PPP2R1B: variants seen among roughly 807,000 people sequenced by gnomAD.
The protein encoded by PPP2R1B is protein phosphatase 2 scaffold subunit Abeta.
PPP2R1B carries 58 observed loss-of-function variants against 72.7 expected under a neutral mutation model. The observed-to-expected ratio is 0.80, with a 90% confidence interval of 0.65 to 0.99. PPP2R1B has a LOEUF of 0.99. Among genes scored for constraint, PPP2R1B ranks in the 50% least tolerant of loss-of-function variants. The pLI is 0.00. For missense variants in PPP2R1B, 695 were observed against 733.6 expected (o/e 0.95, Z 0.61); for synonymous variants, 256 against 264.6 (o/e 0.97, Z 0.32).
the PPP2R1B span, among the ~76,000 whole-genome samples, chr11:111,706,852 T>G: frequency 6.7e-6 from 1 of 148,798 alleles, no homozygotes; most frequent in South Asian, 2.1e-4. Context: ...CCCAGCTACT[T>G]GGGAGGCTGA....
intron 3 of PPP2R1B, among the ~76,000 whole-genome samples, chr11:111,762,691 C>G (rs1209881046): frequency 6.6e-6 from 1 of 151,858 alleles, no homozygotes; most frequent in Non-Finnish European, 1.5e-5. Flanking sequence ...GACTCAGACA[C>G]ATGACATCAT....
At chr11:111,718,389 AG>A in the PPP2R1B span, among the ~76,000 whole-genome samples, 1 of 152,230 alleles carries the variant, frequency 6.6e-6, no homozygotes, top group Non-Finnish European at 1.5e-5. Flanking sequence ...GTTGCTGGCC[AG>A]GTTTCAGAGT....
At chr11:111,730,026 A>G (rs1944132525) in intron 15 of PPP2R1B, 1 of 152,308 alleles carries the variant, frequency 6.6e-6, no homozygotes, top group South Asian at 2.1e-4. Flanking sequence ...AGGAACGGTC[A>G]TGAACTCAGC....
At position 111,741,490 on chromosome 11, in the gene PPP2R1B, G is replaced by C; in HGVS notation, c.*106C>G. 1 of 1,528,594 alleles carries C rather than the reference G, an allele frequency of 6.5e-7. No homozygotes were observed. The highest frequency in any genetic ancestry group is 8.7e-7 in the Non-Finnish European group (1 of 1,143,276). 94.7% of individuals were successfully genotyped at this position (1,528,594 alleles called of 1,614,324 possible). A position where few individuals can be genotyped will look rare whatever the true frequency, so the allele number is the denominator to read the frequency against. On this transcript the variant is annotated 3_prime_UTR_variant, in exon 15 of 15. Coordinates refer to ENST00000527614, the MANE Select transcript of PPP2R1B (RefSeq NM_002716.5). ...CTTCTAAGTTGTTGCCATTTGCTTG[G>C]ATGAGATCTTGAAGGTTTTCCATTC...
chr11:111,713,764 C>T, the PPP2R1B span, among the ~76,000 whole-genome samples: 3 of 152,144 alleles, frequency 2.0e-5, no homozygotes, highest in African/African-American at 7.2e-5. Context: ...GTCAGGAGTT[C>T]AAGACCAGCG....
chr11:111,742,488 C>T (rs767645817), intron 13 of PPP2R1B, 35 bp downstream of exon 13: 1 of 1,588,350 alleles, frequency 6.3e-7, no homozygotes, highest in East Asian at 2.3e-5. Flanking sequence ...ATTTAAAGTA[C>T]ACTTTTAAAA....
chr11:111,692,216 C>G, the PPP2R1B span, among the ~76,000 whole-genome samples: 1 of 151,440 alleles, frequency 6.6e-6, no homozygotes, highest in Non-Finnish European at 1.5e-5. Flanking sequence ...CCAGGAATGG[C>G]AGCATGCGCC....
At chr11:111,719,793 G>A in the PPP2R1B span, 1 of 1,613,742 alleles carries the variant, frequency 6.2e-7, no homozygotes, top group Non-Finnish European at 8.5e-7. Context: ...CTGTCTGCTT[G>A]ACCCTGTGCC....
intron 5 of PPP2R1B, among the ~76,000 whole-genome samples, chr11:111,756,079 G>C (rs957269924): frequency 3.3e-5 from 5 of 151,612 alleles, no homozygotes; most frequent in African/African-American, 1.2e-4. Flanking sequence ...GCGTGGTGGC[G>C]GGTGCCTGTA....
At chr11:111,689,909 TC>T in the PPP2R1B span, among the ~76,000 whole-genome samples, 1 of 152,092 alleles carries the variant, frequency 6.6e-6, no homozygotes, top group Admixed American at 6.5e-5. Flanking sequence ...ATTTTTTTTT[TC>T]TAATGGGATT....
chr11:111,766,264 C>A lies in PPP2R1B; in HGVS notation c.98G>T (p.Arg33Leu), dbSNP rs1945536218. Reference sequence around the variant, plus strand: ...GTCCAGTACCTGCACGTCTTCATTGCGGAGCTCGTCGATTAAAACCGCGAT... The same window carrying A: ...GTCCAGTACCTGCACGTCTTCATTGAGGAGCTCGTCGATTAAAACCGCGAT... ...YPIAVLIDEL[R>L]NEDVQLRLNS... Residue 33 changes from arginine (R) to leucine (L), a missense_variant, in exon 1 of 15, where the codon CGC (arginine) becomes CTC (leucine). Transcript: ENST00000527614. The A allele has an allele frequency of 1.9e-6, 3 of 1,613,952 alleles. No homozygotes were observed. The highest frequency in any genetic ancestry group is 2.5e-6 in the Non-Finnish European group (3 of 1,179,894).
At chr11:111,734,131 T>C (rs1187727224), downstream of PPP2R1B, among the ~76,000 whole-genome samples, 1 of 152,186 alleles carries the variant, frequency 6.6e-6, no homozygotes, top group Non-Finnish European at 1.5e-5. Context: ...CTGGCACTCC[T>C]GGAAGACCCC....
chr11:111,760,041 A>G, intron 4 of PPP2R1B, 90 bp from the exon 5 acceptor site: 1 of 1,335,622 alleles, frequency 7.5e-7, no homozygotes. Flanking sequence ...TAGAGGTTTT[A>G]TCTTACAATA....
Position 111,738,288 on chromosome 11 carries a change from T to C in PPP2R1B, c.*3308A>G. The stretch of plus-strand genomic sequence containing the variant: ...AAGCTTTACGATAAGAGTGTCACCA[T>C]TTTTAAAAGTCAGAGGAATTTAAGT... On this transcript the variant is annotated 3_prime_UTR_variant, in exon 15 of 15. Transcript: ENST00000527614. The C allele has an allele frequency of 1.0e-6, 1 of 985,476 alleles. No individual in the cohort carries two copies. The highest frequency in any genetic ancestry group is 1.2e-6 in the Non-Finnish European group (1 of 829,982). 61.0% of individuals were successfully genotyped at this position (985,476 alleles called of 1,614,324 possible). A position where few individuals can be genotyped will look rare whatever the true frequency, so the allele number is the denominator to read the frequency against.
chr11:111,713,426 C>T, the PPP2R1B span, among the ~76,000 whole-genome samples: 1 of 152,176 alleles, frequency 6.6e-6, no homozygotes, highest in African/African-American at 2.4e-5. Context: ...CTTTGAACCT[C>T]AGTTTTCTCT....
At chr11:111,719,631 G>C in the PPP2R1B span, 1 of 813,606 alleles carries the variant, frequency 1.2e-6, no homozygotes, top group Non-Finnish European at 1.9e-6. Context: ...TCTAATCTAT[G>C]TGTTGTCATG....
intron 15 of PPP2R1B, among the ~76,000 whole-genome samples, chr11:111,732,801 C>T (rs1293069666): frequency 1.3e-5 from 2 of 152,214 alleles, no homozygotes; most frequent in Non-Finnish European, 2.9e-5. Flanking sequence ...TTGCCAGCAG[C>T]CCGTGGGCAC....
At chr11:111,701,905 G>A in the PPP2R1B span, among the ~76,000 whole-genome samples, 5 of 152,158 alleles carry the variant, frequency 3.3e-5, no homozygotes, top group African/African-American at 1.2e-4. This position sits in a 1 kb window ranked among gnomAD's most constrained non-coding sequence, Gnocchi z 4.2. Context: ...AATATGAAAT[G>A]AACTTTATAA....
rs147948231 is a variant in PPP2R1B, at chr11:111,738,966, T to C, written c.*2630A>G. 12 of 984,814 alleles carry C rather than the reference T, an allele frequency of 1.2e-5. No individual in the cohort carries two copies. The African/African-American group carries it at 1.8e-4, about 14-fold the overall frequency. 61.0% of individuals were successfully genotyped at this position (984,814 alleles called of 1,614,324 possible). A position where few individuals can be genotyped will look rare whatever the true frequency, so the allele number is the denominator to read the frequency against. On this transcript the variant is annotated 3_prime_UTR_variant, in exon 15 of 15. Coordinates refer to ENST00000527614, the MANE Select transcript of PPP2R1B (RefSeq NM_002716.5). ...AATCAAACAAACAACTGATGTAAGC[T>C]GCCAAGGATGAAAAACAACATTACA...
Sources: gnomAD v4.1 joint callset for allele counts (sites outside exome capture counted in the v4.1 genomes callset) on GRCh38, gnomAD v4.1.1 for gene constraint, Gnocchi (gnomAD v3.1) non-coding constraint, MANE v1.5 for transcripts, NCBI Gene and HGNC (gene_info 2026-07-23, HGNC 2026-07-21) for gene names.